The following EFCAB11 variants were observed in gnomAD, a reference collection of about 807,000 sequenced individuals.
EFCAB11 encodes the protein EF-hand calcium-binding domain-containing protein 11.
A neutral mutation model predicts 23.0 loss-of-function variants in EFCAB11; 14 were observed. The ratio of observed to expected loss-of-function variants is 0.61; its 90% CI spans 0.40 to 0.95. The LOEUF is 0.95. Among genes scored for constraint, EFCAB11 ranks in the 40% least tolerant of loss-of-function variants. EFCAB11 has a pLI of 0.00. For synonymous variants in EFCAB11, 65 were observed against 66.6 expected (o/e 0.98, Z 0.11); for missense variants, 198 against 195.8 (o/e 1.01, Z -0.07).
At chr14:89,799,452 C>G (rs1171601233) in intron 5 of EFCAB11, 2 of 152,132 alleles carry the variant, frequency 1.3e-5, no homozygotes, top group African/African-American at 4.8e-5. Context: ...TCATAGCACC[C>G]ACACTCAAAT....
At chr14:89,945,582 C>T (rs747670775) in intron 3 of EFCAB11, among the ~76,000 whole-genome samples, 4 of 152,148 alleles carry the variant, frequency 2.6e-5, no homozygotes, top group East Asian at 1.9e-4. Flanking sequence ...TTTCTAATGT[C>T]GTTCCATCAC....
intron 5 of EFCAB11, among the ~76,000 whole-genome samples, chr14:89,916,073 T>A (rs773174573): frequency 1.3e-5 from 2 of 151,324 alleles, no homozygotes; most frequent in Non-Finnish European, 2.9e-5. Context: ...CTCTGCACAG[T>A]GAATCATGAA....
At chr14:89,817,727 C>G (rs1486799175) in intron 5 of EFCAB11, among the ~76,000 whole-genome samples, 2 of 152,164 alleles carry the variant, frequency 1.3e-5, no homozygotes. Context: ...GGCGCGGTGG[C>G]TCACGCTTGT....
intron 3 of EFCAB11, among the ~76,000 whole-genome samples, chr14:89,944,558 T>C (rs965815911): frequency 5.3e-5 from 8 of 152,128 alleles, no homozygotes; most frequent in African/African-American, 1.9e-4. Context: ...ATGCAAAGAA[T>C]GTGGGAAATC....
chr14:89,826,733 A>T (rs1886703876), intron 5 of EFCAB11, among the ~76,000 whole-genome samples: 1 of 152,178 alleles, frequency 6.6e-6, no homozygotes, highest in Non-Finnish European at 1.5e-5. Flanking sequence ...AATGCCACTA[A>T]AGGCAGAATA....
chr14:89,876,287 T>A (rs1464025611), intron 5 of EFCAB11, among the ~76,000 whole-genome samples: 1 of 151,924 alleles, frequency 6.6e-6, no homozygotes, highest in Non-Finnish European at 1.5e-5. Context: ...GAGGAGGAGA[T>A]GTTTCCGTTA....
At chr14:89,862,231 TAGAA>T (rs1887946944) in intron 5 of EFCAB11, among the ~76,000 whole-genome samples, 1 of 152,188 alleles carries the variant, frequency 6.6e-6, no homozygotes, top group Non-Finnish European at 1.5e-5. Context: ...GGAAAGAAAA[TAGAA>T]AGCACATCCT....
intron 3 of EFCAB11, among the ~76,000 whole-genome samples, chr14:89,934,591 C>T (rs1566818216): frequency 6.6e-6 from 1 of 152,152 alleles, no homozygotes; most frequent in Admixed American, 6.5e-5. Context: ...CCCTCACCTA[C>T]CAGAGTGCCT....
chr14:89,937,746 G>A (rs1259564217), intron 3 of EFCAB11, among the ~76,000 whole-genome samples: 2 of 151,990 alleles, frequency 1.3e-5, no homozygotes, highest in African/African-American at 2.4e-5. Flanking sequence ...GGCTGGTCTC[G>A]AACTCCCGAC....
intron 5 of EFCAB11, among the ~76,000 whole-genome samples, chr14:89,807,350 T>C (rs1886001645): frequency 6.6e-6 from 1 of 152,216 alleles, no homozygotes; most frequent in Non-Finnish European, 1.5e-5. Context: ...AGTGCACAGA[T>C]GTGGCCTCTC....
At chr14:89,835,719 C>T (rs28497825) in intron 5 of EFCAB11, among the ~76,000 whole-genome samples, 106,408 of 150,418 alleles carry the variant, frequency 0.71, 39,399 homozygotes, top group Non-Finnish European at 0.83. Flanking sequence ...CCTCCGCCTC[C>T]CGGGTTCGAA....
At chr14:89,928,344 T>G (rs2139801660) in intron 5 of EFCAB11, among the ~76,000 whole-genome samples, 1 of 152,266 alleles carries the variant, frequency 6.6e-6, no homozygotes, top group South Asian at 2.1e-4. Flanking sequence ...TCTCTAGAAA[T>G]TATTAATACT....
intron 3 of EFCAB11, among the ~76,000 whole-genome samples, chr14:89,948,522 A>C (rs1030500439): frequency 2.0e-5 from 3 of 152,266 alleles, no homozygotes; most frequent in Non-Finnish European, 2.9e-5. Flanking sequence ...TATGGAAGAT[A>C]TCTGCATTCT....
rs367819370 is a variant in EFCAB11, at chr14:89,825,762, AAG to A, written c.411-28440_411-28439del. On this transcript the variant is annotated intron_variant, in intron 5 of 5. Coordinates refer to ENST00000316738, the MANE Select transcript of EFCAB11 (RefSeq NM_145231.4). Reference sequence around the variant, plus strand: ...CTCGAAAAAAAAAGAGAAAGAGAGAAAGAGAGCGAGTGCAAGTGTGAGATGTG... The same window carrying A: ...CTCGAAAAAAAAAGAGAAAGAGAGAAAGAGCGAGTGCAAGTGTGAGATGTG... Among the ~76,000 whole-genome samples the A allele has an allele frequency of 5.4e-3, 826 of 152,288 alleles. 6 individuals carry two copies. Among genetic ancestry groups the A allele is most frequent in the South Asian group, 0.012 (58 of 4,824 alleles).
chr14:89,908,951 G>C (rs931412305), intron 5 of EFCAB11, among the ~76,000 whole-genome samples: 5 of 152,206 alleles, frequency 3.3e-5, no homozygotes, highest in African/African-American at 1.2e-4. Flanking sequence ...GGGGAGCCAA[G>C]ATAGTAGGCA....
At chr14:89,836,086 T>C (rs141359558) in intron 5 of EFCAB11, among the ~76,000 whole-genome samples, 2,517 of 152,128 alleles carry the variant, frequency 0.017, 33 homozygotes, top group Non-Finnish European at 0.025. Flanking sequence ...TGAGGGGCCA[T>C]AGGCTCCAGG....
chr14:89,950,199 A>G, intron 2 of EFCAB11, 57 bp from the exon 3 acceptor site: 1 of 1,488,178 alleles, frequency 6.7e-7, no homozygotes, highest in Non-Finnish European at 9.1e-7. Flanking sequence ...TCACAGTGCA[A>G]GTTCTTAATT....
intron 5 of EFCAB11, among the ~76,000 whole-genome samples, chr14:89,871,494 G>C (rs1888268096): frequency 6.6e-6 from 1 of 152,154 alleles, no homozygotes; most frequent in African/African-American, 2.4e-5. Flanking sequence ...ACCAACCCGG[G>C]CACTTTCTAG....
At chr14:89,834,635 T>C (rs1200349261) in intron 5 of EFCAB11, among the ~76,000 whole-genome samples, 1 of 152,188 alleles carries the variant, frequency 6.6e-6, no homozygotes, top group Non-Finnish European at 1.5e-5. Context: ...GCAAAGAGCA[T>C]GCTTAGAAGG....
Sources: allele counts gnomAD v4.1 joint callset (sites outside exome capture counted in the v4.1 genomes callset), GRCh38; gene constraint gnomAD v4.1.1; transcripts MANE v1.5; gene names NCBI Gene and HGNC (gene_info 2026-07-23, HGNC 2026-07-21).